The following EVA1A variants were observed in gnomAD, a reference collection of about 807,000 sequenced individuals.
EVA1A encodes the protein eva-1 homolog A, regulator of programmed cell death, also known as protein eva-1 homolog A.
EVA1A carries 7 observed loss-of-function variants against 9.8 expected under a neutral mutation model. The observed-to-expected ratio is 0.71, with a 90% CI of 0.41 to 1.34. The LOEUF is 1.34. Among genes scored for constraint, EVA1A ranks in the 40% most tolerant of loss-of-function variants. EVA1A has a pLI of 0.01. For synonymous variants in EVA1A, 90 were observed against 85.6 expected (o/e 1.05, Z -0.28); for missense variants, 206 against 205.9 (o/e 1.00, Z 0.00).
intron 3 of EVA1A, among the ~76,000 whole-genome samples, chr2:75,503,746 A>G (rs1674511981): frequency 6.6e-6 from 1 of 152,250 alleles, no homozygotes; most frequent in African/African-American, 2.4e-5. Context: ...AACTGGAAAG[A>G]CAGATAACAG....
At chr2:75,534,400 T>C (rs1675798776) in intron 1 of EVA1A, among the ~76,000 whole-genome samples, 1 of 151,968 alleles carries the variant, frequency 6.6e-6, no homozygotes, top group Non-Finnish European at 1.5e-5. Context: ...TATATATATG[T>C]AGTAACACCT....
At position 75,541,414 on chromosome 2, in the gene EVA1A, T is replaced by C. The variant is rs140611316; in HGVS notation, c.-191-18927A>G. On this transcript the variant is annotated intron_variant, in intron 1 of 3. Coordinates refer to ENST00000393913, the MANE Select transcript of EVA1A (RefSeq NM_001135032.2). ...CAGAGACAATCAAAAGCTAGTCCTG[T>C]GAGGTAAGACACAGGAGATGGACAT... Among the ~76,000 whole-genome samples, 83 of 152,198 alleles carry C rather than the reference T, an allele frequency of 5.5e-4. 1 individual carries two copies. The highest frequency in any genetic ancestry group is 1.9e-3 in the African/African-American group (78 of 41,520).
intron 1 of EVA1A, among the ~76,000 whole-genome samples, chr2:75,524,874 C>A (rs898938181): frequency 6.6e-6 from 1 of 152,080 alleles, no homozygotes; most frequent in Non-Finnish European, 1.5e-5. Flanking sequence ...TGGCTGATCT[C>A]CATCTCTCTA....
chr2:75,499,543 T>A (rs986795032), intron 3 of EVA1A, among the ~76,000 whole-genome samples: 1 of 152,092 alleles, frequency 6.6e-6, no homozygotes, highest in Non-Finnish European at 1.5e-5. Context: ...GAGAAATGGG[T>A]TCTGCTGTTT....
At chr2:75,526,846 G>T (rs1259304570) in intron 1 of EVA1A, among the ~76,000 whole-genome samples, 1 of 152,190 alleles carries the variant, frequency 6.6e-6, no homozygotes, top group Non-Finnish European at 1.5e-5. Flanking sequence ...GAGTGACATG[G>T]TCAGTTCTGC....
At chr2:75,532,926 T>C (rs1284352099) in intron 1 of EVA1A, among the ~76,000 whole-genome samples, 2 of 152,104 alleles carry the variant, frequency 1.3e-5, no homozygotes, top group African/African-American at 4.8e-5. Flanking sequence ...GCAGGTTACT[T>C]GAGCTCAGGT....
At chr2:75,519,951 G>A (rs1047239878) in intron 2 of EVA1A, among the ~76,000 whole-genome samples, 1 of 151,758 alleles carries the variant, frequency 6.6e-6, no homozygotes, top group Non-Finnish European at 1.5e-5. Flanking sequence ...TTATTAACAG[G>A]GTCATTTTTC....
At chr2:75,525,080 C>T (rs913234308) in intron 1 of EVA1A, among the ~76,000 whole-genome samples, 1 of 151,928 alleles carries the variant, frequency 6.6e-6, no homozygotes, top group African/African-American at 2.4e-5. Context: ...ACATTCTATA[C>T]TTATATACAT....
At chr2:75,528,325 G>A (rs1390151658) in intron 1 of EVA1A, among the ~76,000 whole-genome samples, 3 of 152,210 alleles carry the variant, frequency 2.0e-5, no homozygotes, top group Non-Finnish European at 4.4e-5. Context: ...TCAGGGAGGG[G>A]TGAGGCCTGA....
chr2:75,528,742 A>G (rs1675542138), intron 1 of EVA1A, among the ~76,000 whole-genome samples: 1 of 151,964 alleles, frequency 6.6e-6, no homozygotes, highest in Admixed American at 6.6e-5. Context: ...AGCACCCCCC[A>G]TTGCCTGAGA....
chr2:75,506,492 G>A (rs565204869), intron 3 of EVA1A, among the ~76,000 whole-genome samples: 1 of 152,304 alleles, frequency 6.6e-6, no homozygotes, highest in Admixed American at 6.5e-5. Context: ...TACTGGAGGC[G>A]TGGGGTCTTG....
intron 1 of EVA1A, among the ~76,000 whole-genome samples, chr2:75,537,497 C>T (rs1675954751): frequency 6.6e-6 from 1 of 152,164 alleles, no homozygotes; most frequent in South Asian, 2.1e-4. Flanking sequence ...CTAAAAGACA[C>T]ACAGATGAGA....
chr2:75,543,492 G>A (rs1236792500), intron 1 of EVA1A, among the ~76,000 whole-genome samples: 1 of 152,088 alleles, frequency 6.6e-6, no homozygotes, highest in African/African-American at 2.4e-5. Context: ...GGGACCCAGA[G>A]GAAGTCAGCA....
At chr2:75,569,295 A>T (rs1425122748) in intron 1 of EVA1A, among the ~76,000 whole-genome samples, 1 of 152,076 alleles carries the variant, frequency 6.6e-6, no homozygotes, top group Non-Finnish European at 1.5e-5. Context: ...TCCTCAGCTC[A>T]CGGTAGTCTG....
chr2:75,503,024 A>G (rs1158170539), intron 3 of EVA1A, among the ~76,000 whole-genome samples: 1 of 152,178 alleles, frequency 6.6e-6, no homozygotes, highest in East Asian at 1.9e-4. Context: ...TAGCTTAATG[A>G]GTCCACCTTG....
At chr2:75,560,482 AAAAG>A (rs1676884375) in intron 1 of EVA1A, among the ~76,000 whole-genome samples, 194 bp downstream of exon 1, 1 of 152,096 alleles carries the variant, frequency 6.6e-6, no homozygotes, top group African/African-American at 2.4e-5. Context: ...GAGGAGGCAA[AAAAG>A]AAAGCGCTGG....
chr2:75,539,642 A>T (rs888425682), intron 1 of EVA1A, among the ~76,000 whole-genome samples: 3 of 152,256 alleles, frequency 2.0e-5, no homozygotes, highest in African/African-American at 7.2e-5. Flanking sequence ...GATTATTGCA[A>T]TAGATAATGA....
chr2:75,530,490 C>A (rs1675607840), intron 1 of EVA1A, among the ~76,000 whole-genome samples: 1 of 151,912 alleles, frequency 6.6e-6, no homozygotes, highest in Admixed American at 6.6e-5. Flanking sequence ...AACATAGATG[C>A]AAAAACCCTC....
At chr2:75,500,179 A>G (rs1674362153) in intron 3 of EVA1A, among the ~76,000 whole-genome samples, 1 of 152,230 alleles carries the variant, frequency 6.6e-6, no homozygotes. Flanking sequence ...CAATGACAGG[A>G]GGCAAAAGCC....
Sources: gnomAD v4.1 joint callset for allele counts (sites outside exome capture counted in the v4.1 genomes callset) on GRCh38, gnomAD v4.1.1 for gene constraint, MANE v1.5 for transcripts, NCBI Gene and HGNC (gene_info 2026-07-23, HGNC 2026-07-21) for gene names.